SYT1: variants seen among roughly 807,000 people sequenced by gnomAD.
The protein encoded by SYT1 is synaptotagmin 1, also known as synaptotagmin-1.
SYT1 carries 8 observed loss-of-function variants against 44.8 expected under a neutral mutation model. The observed-to-expected ratio is 0.18, with a 90% CI of 0.10 to 0.32. SYT1 has a LOEUF of 0.32. Ranked by LOEUF, SYT1 falls within the 10% of genes least tolerant of loss-of-function variation. The probability of loss-of-function intolerance (pLI) is 1.00; values close to 1 mark genes in which losing one functional copy is unlikely to be tolerated. For synonymous variants in SYT1, 154 were observed against 188.8 expected (o/e 0.82, Z 1.51); for missense variants, 286 against 509.3 (o/e 0.56, Z 4.22).
At chr12:79,313,009 G>A (rs1880886548) in intron 8 of SYT1, among the ~76,000 whole-genome samples, 1 of 152,156 alleles carries the variant, frequency 6.6e-6, no homozygotes, top group Non-Finnish European at 1.5e-5. Context: ...GTCACTTTTG[G>A]ACTGAAAAGC....
chr12:78,932,927 C>T (rs11608647), intron 1 of SYT1, among the ~76,000 whole-genome samples: 7,405 of 152,148 alleles, frequency 0.049, 219 homozygotes, highest in Admixed American at 0.083. Flanking sequence ...AATCTCAGAA[C>T]GTCTTACTTT....
intron 3 of SYT1, among the ~76,000 whole-genome samples, chr12:79,213,381 T>A (rs1439582362): frequency 1.3e-5 from 2 of 152,286 alleles, no homozygotes; most frequent in East Asian, 3.9e-4. Context: ...ACACCTTGGT[T>A]CAAATCCCAA....
chr12:79,056,559 T>A (rs1164129308), intron 3 of SYT1, among the ~76,000 whole-genome samples: 1 of 152,020 alleles, frequency 6.6e-6, no homozygotes, highest in African/African-American at 2.4e-5. Context: ...AATTATTTTC[T>A]TTGTAATAAC....
At chr12:79,309,307 G>A (rs2138925378) in intron 8 of SYT1, among the ~76,000 whole-genome samples, 1 of 152,226 alleles carries the variant, frequency 6.6e-6, no homozygotes, top group East Asian at 1.9e-4. Flanking sequence ...ATTCATTGCA[G>A]TGAAATAAAA....
intron 8 of SYT1, among the ~76,000 whole-genome samples, chr12:79,351,538 A>G (rs1882904399): frequency 6.7e-6 from 1 of 149,132 alleles, no homozygotes; most frequent in South Asian, 2.1e-4. Flanking sequence ...AATTCTGCGA[A>G]AAAAAAAAAA....
At chr12:78,982,795 C>T (rs1869361724) in intron 2 of SYT1, among the ~76,000 whole-genome samples, 1 of 152,174 alleles carries the variant, frequency 6.6e-6, no homozygotes. Flanking sequence ...ATATTTCCTA[C>T]AGTTGAGTTT....
chr12:79,438,848 C>T (rs545527974), intron 9 of SYT1, among the ~76,000 whole-genome samples: 1 of 152,282 alleles, frequency 6.6e-6, no homozygotes, highest in East Asian at 1.9e-4. Flanking sequence ...AGCTTTAACA[C>T]AGTGACTTCC....
intron 1 of SYT1, among the ~76,000 whole-genome samples, chr12:78,949,162 T>C (rs2137286937): frequency 6.6e-6 from 1 of 151,650 alleles, no homozygotes; most frequent in East Asian, 1.9e-4. Context: ...TCTGAGCTAA[T>C]ATGAGAACAC....
At position 79,247,807 on chromosome 12, in the gene SYT1, G is replaced by T. The variant is rs1876944668; in HGVS notation, c.166+30122G>T. Among the ~76,000 whole-genome samples the T allele has an allele frequency of 2.6e-5, 4 of 152,106 alleles. No homozygotes were observed. The South Asian group carries it at 8.3e-4, about 32-fold the overall frequency. On this transcript the variant is annotated intron_variant, in intron 4 of 10. Transcript: ENST00000261205. ...AAAAAAAAATAAGAGTTGAAAAACAGCTTCCAGAGCAGTATTTCAAAAACC... is the reference window on the plus strand; with the variant it reads ...AAAAAAAAATAAGAGTTGAAAAACATCTTCCAGAGCAGTATTTCAAAAACC...
intron 2 of SYT1, among the ~76,000 whole-genome samples, chr12:79,032,357 A>G (rs1010154046): frequency 6.6e-6 from 1 of 151,196 alleles, no homozygotes; most frequent in African/African-American, 2.4e-5. Flanking sequence ...TAGAGACATG[A>G]ATTTTATAGG....
intron 8 of SYT1, among the ~76,000 whole-genome samples, chr12:79,318,835 A>C (rs1231701833): frequency 6.6e-6 from 1 of 152,234 alleles, no homozygotes; most frequent in Non-Finnish European, 1.5e-5. Context: ...TCTCAGTGTC[A>C]AAAAACAAAA....
intron 4 of SYT1, among the ~76,000 whole-genome samples, chr12:79,243,097 A>T (rs564277772): frequency 4.0e-4 from 54 of 134,822 alleles, no homozygotes; most frequent in African/African-American, 1.6e-3. Flanking sequence ...AGACTTATAC[A>T]CTATCATGAG....
intron 1 of SYT1, among the ~76,000 whole-genome samples, chr12:78,959,930 A>G (rs1391974819): frequency 6.6e-6 from 1 of 152,246 alleles, no homozygotes; most frequent in Non-Finnish European, 1.5e-5. Flanking sequence ...TGCAGGTATC[A>G]GTAAACAAAT....
In SYT1 at chr12:78,960,493, G is replaced by C. The variant is rs368448840; in HGVS notation, c.-216-17306G>C. 16 of 152,244 alleles carry C rather than the reference G, an allele frequency of 1.1e-4. 1 individual carries two copies. The highest frequency in any genetic ancestry group is 5.8e-4 in the East Asian group (3 of 5,190). 9.4% of individuals were successfully genotyped at this position (152,244 alleles called of 1,614,324 possible). On this transcript the variant is annotated intron_variant, in intron 1 of 10. Coordinates refer to ENST00000261205, the MANE Select transcript of SYT1 (RefSeq NM_005639.3). ...CAACAGCAACACCAACAACAAAACT[G>C]AGTTCCTTTAGCATGAATGAAACCA...
chr12:78,943,580 G>T (rs1878501665), intron 1 of SYT1, among the ~76,000 whole-genome samples: 1 of 152,038 alleles, frequency 6.6e-6, no homozygotes, highest in Non-Finnish European at 1.5e-5. Flanking sequence ...CTTTAACACT[G>T]GGGATTATAA....
At chr12:79,330,200 G>T (rs1412659020) in intron 8 of SYT1, among the ~76,000 whole-genome samples, 1 of 152,154 alleles carries the variant, frequency 6.6e-6, no homozygotes, top group Non-Finnish European at 1.5e-5. Flanking sequence ...ACCTTGAGAC[G>T]GTCATTCAGG....
chr12:78,912,945 C>T (rs1194812906), intron 1 of SYT1, among the ~76,000 whole-genome samples: 5 of 151,786 alleles, frequency 3.3e-5, no homozygotes, highest in Admixed American at 6.6e-5. Context: ...GATTTATTTA[C>T]ATAAGACTGG....
intron 8 of SYT1, among the ~76,000 whole-genome samples, chr12:79,352,091 G>A (rs773150519): frequency 3.3e-5 from 5 of 151,692 alleles, no homozygotes; most frequent in Non-Finnish European, 7.4e-5. Flanking sequence ...TTAGCAGAAA[G>A]AGGCACTATT....
At chr12:78,974,284 A>C (rs887421409) in intron 1 of SYT1, among the ~76,000 whole-genome samples, 1 of 151,844 alleles carries the variant, frequency 6.6e-6, no homozygotes, top group African/African-American at 2.4e-5. Context: ...GCAATTCATC[A>C]TTAACTGAAA....
Sources: gnomAD v4.1 joint callset for allele counts (sites outside exome capture counted in the v4.1 genomes callset) on GRCh38, gnomAD v4.1.1 for gene constraint, MANE v1.5 for transcripts, NCBI Gene and HGNC (gene_info 2026-07-23, HGNC 2026-07-21) for gene names.